The following ADORA2A variants were observed in gnomAD, a reference collection of about 807,000 sequenced individuals.
ADORA2A encodes the protein adenosine receptor A2a.
A neutral mutation model predicts 18.4 loss-of-function variants in ADORA2A; 11 were observed. The ratio of observed to expected loss-of-function variants is 0.60; its 90% CI spans 0.38 to 0.99. The LOEUF (loss-of-function observed/expected upper bound fraction) is 0.99, where lower values mean the gene tolerates loss of function less well. Ranked by LOEUF, ADORA2A falls within the 50% of genes least tolerant of loss-of-function variation. The pLI, the probability that ADORA2A is intolerant of heterozygous loss-of-function variation, is 0.01. For synonymous variants in ADORA2A, 218 were observed against 237.3 expected (o/e 0.92, Z 0.75); for missense variants, 449 against 556.1 (o/e 0.81, Z 1.94).
At chr22:24,438,055 T>C (rs2043223207) in intron 2 of ADORA2A, among the ~76,000 whole-genome samples, 1 of 152,288 alleles carries the variant, frequency 6.6e-6, no homozygotes, top group South Asian at 2.1e-4. Context: ...TGCTTGGCTC[T>C]GCTCTGTTGC....
chr22:24,425,337 A>ACCCCCCCCCCCCCCCC (rs398036656), upstream of ADORA2A, among the ~76,000 whole-genome samples: 270 of 82,370 alleles, frequency 3.3e-3, 17 homozygotes, highest in African/African-American at 4.1e-3. Context: ...TGTGGGCAGC[A>ACCCCCCCCCCCCCCCC]CCCCCCCCCC....
In ADORA2A at chr22:24,441,456, C is replaced by T; in HGVS notation, c.1206C>T (p.Asp402=). The change falls in exon 3 of 3, where the codon GAC becomes GAT. Residue 402 remains aspartate (D), a synonymous_variant. Coordinates refer to ENST00000337539, the MANE Select transcript of ADORA2A (RefSeq NM_000675.6). Reference sequence around the variant, plus strand: ...GCCCAGAGCCCCCTGGCCTAGATGACCCCCTGGCCCAGGATGGAGCAGGAG... The same window carrying T: ...GCCCAGAGCCCCCTGGCCTAGATGATCCCCTGGCCCAGGATGGAGCAGGAG... The part of the protein sequence containing the change: ...GVCPEPPGLD[D]PLAQDGAGVS 1 of 1,518,496 alleles carries T rather than the reference C, an allele frequency of 6.6e-7. No individual in the cohort carries two copies. The highest frequency in any genetic ancestry group is 1.3e-5 in the South Asian group (1 of 75,434). The allele number at this position is 1,518,496 out of a possible 1,614,324, so 94.1% of individuals were successfully genotyped here.
At chr22:24,439,015 G>C (rs1285094849) in intron 2 of ADORA2A, among the ~76,000 whole-genome samples, 1 of 146,514 alleles carries the variant, frequency 6.8e-6, no homozygotes, top group African/African-American at 2.5e-5. Flanking sequence ...GAATGAGATG[G>C]TTTCTGTGGA....
In ADORA2A at chr22:24,440,865, A is replaced by G. The variant is rs1224750459; in HGVS notation, c.615A>G (p.Arg205=). The change falls in exon 3 of 3, where the codon CGA becomes CGG. Residue 205 remains arginine (R), a synonymous_variant. Coordinates refer to ENST00000337539, the MANE Select transcript of ADORA2A (RefSeq NM_000675.6). ...ATTTGCGGATCTTCCTGGCGGCGCG[A>G]CGACAGCTGAAGCAGATGGAGAGCC... ...GVYLRIFLAA[R]RQLKQMESQP... 1 of 1,614,156 alleles carries G rather than the reference A, an allele frequency of 6.2e-7. No individual in the cohort carries two copies. The highest frequency in any genetic ancestry group is 1.3e-5 in the African/African-American group (1 of 75,022).
At chr22:24,424,023 G>A (rs191596061), upstream of ADORA2A, 1,510 of 153,238 alleles carry the variant, frequency 9.9e-3, 18 homozygotes, top group Non-Finnish European at 0.015. The surrounding 1 kb of genome is among the most constrained non-coding windows in gnomAD (Gnocchi z 4.9). Flanking sequence ...CGGGGTGCCG[G>A]GGGTCCGGGG....
chr22:24,434,352 G>A (rs566901372), intron 2 of ADORA2A, among the ~76,000 whole-genome samples: 2 of 152,248 alleles, frequency 1.3e-5, no homozygotes, highest in African/African-American at 2.4e-5. Flanking sequence ...AGGACTCATC[G>A]TCTTAGAGGC....
rs2043347855 is a variant in ADORA2A, at chr22:24,441,669, T to G, written c.*180T>G. ...CAGCATGAGGCCCAGCAAGAAGGGCTTGGGTTCTGAGGAAGCAGATGTTTC... is the reference window on the plus strand; with the variant it reads ...CAGCATGAGGCCCAGCAAGAAGGGCGTGGGTTCTGAGGAAGCAGATGTTTC... On this transcript the variant is annotated 3_prime_UTR_variant, in exon 3 of 3. Transcript: ENST00000337539. 1.8e-6 allele frequency: 1 copy of G among 560,682 alleles called. No homozygotes were observed. Among genetic ancestry groups the G allele is most frequent in the Non-Finnish European group, 2.8e-6 (1 of 352,356 alleles). 34.7% of individuals were successfully genotyped at this position (560,682 alleles called of 1,614,324 possible).
At position 24,433,243 on chromosome 22, in the gene ADORA2A, GC is replaced by G. The variant is rs2043087462; in HGVS notation, c.-158del. 6 of 656,678 alleles carry G rather than the reference GC, an allele frequency of 9.1e-6. No individual in the cohort carries two copies. Among genetic ancestry groups the G allele is most frequent in the Non-Finnish European group, 1.5e-5 (6 of 388,352 alleles). The allele number at this position is 656,678 out of a possible 1,614,324, so 40.7% of individuals were successfully genotyped here. On this transcript the variant is annotated 5_prime_UTR_variant, in exon 2 of 3. Transcript: ENST00000337539. ...CTCTGTGAAAAAGCCCTTGGAGAGC[GC>G]CCCAGCAGGGCTGCACTTGGCTCCT...
chr22:24,426,125 C>G (rs2042916637), upstream of ADORA2A, among the ~76,000 whole-genome samples: 2 of 152,340 alleles, frequency 1.3e-5, no homozygotes, highest in Non-Finnish European at 2.9e-5. Context: ...GAGGCCTGGG[C>G]AGTGCCTGCT....
At chr22:24,427,811 T>G (rs188927309) in intron 1 of ADORA2A, 65 bp downstream of exon 1, 1 of 150,536 alleles carries the variant, frequency 6.6e-6, no homozygotes, top group African/African-American at 2.5e-5. Context: ...CCTGGACACA[T>G]GGGGGTGTGG....
upstream of ADORA2A, among the ~76,000 whole-genome samples, chr22:24,425,886 T>C (rs1462940186): frequency 6.6e-6 from 1 of 152,218 alleles, no homozygotes; most frequent in Non-Finnish European, 1.5e-5. Context: ...ATCTTAGCAA[T>C]GCCTAATGTG....
intron 2 of ADORA2A, among the ~76,000 whole-genome samples, chr22:24,436,863 A>G (rs1017481710): frequency 5.9e-5 from 9 of 152,182 alleles, no homozygotes; most frequent in Non-Finnish European, 1.2e-4. Flanking sequence ...GCCTGGGACA[A>G]GACCCTGAGG....
At chr22:24,440,271 G>A (rs534222814) in intron 2 of ADORA2A, among the ~76,000 whole-genome samples, 2 of 152,272 alleles carry the variant, frequency 1.3e-5, no homozygotes, top group African/African-American at 2.4e-5. Context: ...AAAATCATGC[G>A]TTAATTTCCT....
Position 24,433,119 on chromosome 22 carries a change from G to A in ADORA2A, c.-274-12G>A. The A allele has an allele frequency of 5.5e-6, 3 of 547,566 alleles. No individual in the cohort carries two copies. Among genetic ancestry groups the A allele is most frequent in the Non-Finnish European group, 9.8e-6 (3 of 305,058 alleles). 33.9% of individuals were successfully genotyped at this position (547,566 alleles called of 1,614,324 possible). A position where few individuals can be genotyped will look rare whatever the true frequency, so the allele number is the denominator to read the frequency against. On this transcript the variant is annotated splice_polypyrimidine_tract_variant and intron_variant, in intron 1 of 2. Coordinates refer to ENST00000337539, the MANE Select transcript of ADORA2A (RefSeq NM_000675.6). Reference sequence around the variant, plus strand: ...CAGATGGTTCAGCTTCTCATCGGCTGTCCCTTTGCAGGTGCCTCAGGAACC... The same window carrying A: ...CAGATGGTTCAGCTTCTCATCGGCTATCCCTTTGCAGGTGCCTCAGGAACC...
Position 24,441,481 on chromosome 22 carries a change from G to C in ADORA2A, c.1231G>C (p.Val411Leu), listed in dbSNP as rs2043342945. The C allele has an allele frequency of 6.6e-7, 1 of 1,509,258 alleles. No individual in the cohort carries two copies. The highest frequency in any genetic ancestry group is 2.3e-5 in the Admixed American group (1 of 43,410). 93.5% of individuals were successfully genotyped at this position (1,509,258 alleles called of 1,614,324 possible). The change falls in exon 3 of 3, where the codon GTG becomes CTG. Residue 411 changes from valine (V) to leucine (L), a missense_variant. By Grantham distance (32) the Val-to-Leu change is conservative. Transcript: ENST00000337539. ...CCCCCTGGCCCAGGATGGAGCAGGA[G>C]TGTCCTGATGATTCATGGAGTTTGC... ...DDPLAQDGAGVS is the reference protein window; with the variant it reads ...DDPLAQDGAGLS
chr22:24,438,011 C>A (rs932040932), intron 2 of ADORA2A, among the ~76,000 whole-genome samples: 1 of 152,274 alleles, frequency 6.6e-6, no homozygotes, highest in African/African-American at 2.4e-5. Context: ...GCAGGTGGCC[C>A]AGGGCCCAGG....
In ADORA2A at chr22:24,433,472, G is replaced by A. The variant is rs759676605; in HGVS notation, c.68G>A (p.Gly23Asp). 1.1e-5 allele frequency: 17 copies of A among 1,614,048 alleles called. No individual in the cohort carries two copies. The highest frequency in any genetic ancestry group is 1.2e-5 in the Non-Finnish European group (14 of 1,180,050). The change falls in exon 2 of 3, where the codon GGC (glycine) becomes GAC (aspartate). Residue 23 changes from glycine to aspartate, a missense_variant. Coordinates refer to ENST00000337539, the MANE Select transcript of ADORA2A (RefSeq NM_000675.6). Reference protein sequence around the residue: ...ELAIAVLAILGNVLVCWAVWL... With the variant: ...ELAIAVLAILDNVLVCWAVWL... ...GCCATTGCTGTGCTGGCCATCCTGG[G>A]CAATGTGCTGGTGTGCTGGGCCGTG...
intron 2 of ADORA2A, among the ~76,000 whole-genome samples, chr22:24,436,489 C>T (rs919299575): frequency 6.6e-6 from 1 of 152,162 alleles, no homozygotes; most frequent in African/African-American, 2.4e-5. Flanking sequence ...AGGGCCTAGT[C>T]GAGGAACTCT....
At chr22:24,425,260 G>A (rs756862053), upstream of ADORA2A, among the ~76,000 whole-genome samples, 1 of 151,940 alleles carries the variant, frequency 6.6e-6, no homozygotes, top group Non-Finnish European at 1.5e-5. Context: ...GCGGGGTCGG[G>A]GCTTCCTCAC....
Sources: allele counts gnomAD v4.1 joint callset (sites outside exome capture counted in the v4.1 genomes callset), GRCh38; gene constraint gnomAD v4.1.1; non-coding constraint Gnocchi (gnomAD v3.1); transcripts MANE v1.5; gene names NCBI Gene and HGNC (gene_info 2026-07-23, HGNC 2026-07-21).